The following RLF variants were observed in gnomAD, a reference collection of about 807,000 sequenced individuals.
RLF encodes zinc finger protein Rlf.
Under a neutral mutation model 162.9 loss-of-function variants are expected in RLF, and 7 were observed. The observed-to-expected ratio is 0.04, with a 90% confidence interval of 0.02 to 0.08. The LOEUF (loss-of-function observed/expected upper bound fraction) is 0.08, where lower values mean the gene tolerates loss of function less well. Ranked by LOEUF, RLF falls within the 10% of genes least tolerant of loss-of-function variation. The pLI is 1.00. For synonymous variants in RLF, 782 were observed against 791.5 expected (o/e 0.99, Z 0.20); for missense variants, 1,664 against 2,244.7 (o/e 0.74, Z 5.23).
At position 40,161,756 on chromosome 1, in the gene RLF, C is replaced by A; in HGVS notation, c.237+120C>A. 1.4e-6 allele frequency: 2 copies of A among 1,390,414 alleles called. No homozygotes were observed. The highest frequency in any genetic ancestry group is 1.4e-5 in the South Asian group (1 of 73,220). 86.1% of individuals were successfully genotyped at this position (1,390,414 alleles called of 1,614,324 possible). On this transcript the variant is annotated intron_variant, in intron 1 of 7. Transcript: ENST00000372771. The surrounding 1 kb of genome is among the most constrained non-coding windows in gnomAD (Gnocchi z 4.4). ...GGCGCCACCTCCGTGACTCGCCGCG[C>A]CCCCGGGCCGGGAAGGCCCAGCTCG... is the stretch of plus-strand genomic sequence containing the variant.
At chr1:40,174,239 C>T (rs1162316159) in intron 1 of RLF, among the ~76,000 whole-genome samples, 1 of 152,120 alleles carries the variant, frequency 6.6e-6, no homozygotes, top group Non-Finnish European at 1.5e-5. Flanking sequence ...GGCGCAGTGG[C>T]AGGCGCCTGT....
chr1:40,237,347 C>T lies in RLF; in HGVS notation c.2645C>T (p.Thr882Ile), dbSNP rs1474075673. Residue 882 changes from threonine to isoleucine, a missense_variant, in exon 8 of 8, where the codon ACA (threonine) becomes ATA (isoleucine). By Grantham distance (89) the Thr-to-Ile change is moderately conservative (BLOSUM62 -1). Around this residue, in one of 15 missense-constraint regions of RLF, gnomAD observed 295 missense variants for 317.4 expected, o/e 0.93. Coordinates refer to ENST00000372771, the MANE Select transcript of RLF (RefSeq NM_012421.4). The surrounding 1 kb of genome is among the most constrained non-coding windows in gnomAD (Gnocchi z 4.4). ...GAATCAGCTAATTCTCAAATAGATACAGAAACTGCAGAAAACCTGAAAGAA... is the reference window on the plus strand; with the variant it reads ...GAATCAGCTAATTCTCAAATAGATATAGAAACTGCAGAAAACCTGAAAGAA... ...CAESANSQID[T>I]ETAENLKENS... 1 of 1,613,624 alleles carries T rather than the reference C, an allele frequency of 6.2e-7. No individual in the cohort carries two copies. The highest frequency in any genetic ancestry group is 8.5e-7 in the Non-Finnish European group (1 of 1,179,886).
intron 4 of RLF, 23 bp from the exon 5 acceptor site, chr1:40,202,389 G>GT: frequency 2.0e-6 from 3 of 1,479,576 alleles, no homozygotes; most frequent in Non-Finnish European, 2.7e-6. Flanking sequence ...TTGTCAAACT[G>GT]TTTTATTTTT....
intron 1 of RLF, among the ~76,000 whole-genome samples, chr1:40,179,308 C>T (rs1472230337): frequency 1.3e-5 from 2 of 152,146 alleles, no homozygotes; most frequent in East Asian, 1.9e-4. Context: ...TGTTACACAA[C>T]TACCTCAGAA....
Position 40,239,004 on chromosome 1 carries a change from T to A in RLF, c.4302T>A (p.Ile1434=). 1 of 1,614,172 alleles carries A rather than the reference T, an allele frequency of 6.2e-7. No homozygotes were observed. The highest frequency in any genetic ancestry group is 2.2e-5 in the East Asian group (1 of 44,882). Residue 1434 remains isoleucine (I), a synonymous_variant, in exon 8 of 8, where the codon ATT becomes ATA. Coordinates refer to ENST00000372771, the MANE Select transcript of RLF (RefSeq NM_012421.4). ...LKHHLMEQHN[I]EGEIHSDYEI... ...ACCACTTGATGGAACAGCATAATAT[T>A]GAAGGGGAAATACATTCAGATTATG...
At chr1:40,177,544 C>T (rs754764655) in intron 1 of RLF, among the ~76,000 whole-genome samples, 7 of 151,868 alleles carry the variant, frequency 4.6e-5, no homozygotes, top group Non-Finnish European at 1.0e-4. Flanking sequence ...CTGCCCGCCC[C>T]CACCTCCCAA....
chr1:40,237,429 T>C lies in RLF; in HGVS notation c.2727T>C (p.Asn909=). 1 of 1,614,074 alleles carries C rather than the reference T, an allele frequency of 6.2e-7. No homozygotes were observed. ...GTCATAGCTCTTCAGCTTCAATGAA[T>C]GAAGAGCTAATTGACACACTAGATC... ...QLSHSSSASM[N]EELIDTLDHS... is the part of the protein sequence containing the mutation. The change falls in exon 8 of 8, where the codon AAT becomes AAC. Residue 909 remains asparagine, a synonymous_variant. Coordinates refer to ENST00000372771, the MANE Select transcript of RLF (RefSeq NM_012421.4). This position sits in a 1 kb window ranked among gnomAD's most constrained non-coding sequence, Gnocchi z 4.4.
chr1:40,187,059 G>C (rs992620658), intron 1 of RLF, among the ~76,000 whole-genome samples: 2 of 147,708 alleles, frequency 1.4e-5, no homozygotes, highest in African/African-American at 5.0e-5. Context: ...TTTTGAGACA[G>C]TCTTGCTGTG....
intron 2 of RLF, among the ~76,000 whole-genome samples, chr1:40,189,990 G>A (rs1642534959): frequency 6.6e-6 from 1 of 152,112 alleles, no homozygotes; most frequent in Non-Finnish European, 1.5e-5. Flanking sequence ...AGTCTAGATG[G>A]TTTATTTTAT....
rs71060356 is a variant in RLF, at chr1:40,200,867, T to TACACACACAC, written c.608-1482_608-1473dup. Among the ~76,000 whole-genome samples, 89 of 34,860 alleles carry TACACACACAC rather than the reference T, an allele frequency of 2.6e-3. 1 individual carries two copies. The highest frequency in any genetic ancestry group is 4.2e-3 in the Admixed American group (11 of 2,622). The allele number at this position is 34,860 out of a possible 152,430, so 22.9% of individuals were successfully genotyped here. A position where few individuals can be genotyped will look rare whatever the true frequency, so the allele number is the denominator to read the frequency against. On this transcript the variant is annotated intron_variant, in intron 4 of 7. Coordinates refer to ENST00000372771, the MANE Select transcript of RLF (RefSeq NM_012421.4). ...TCCTTAGTATAAACCATTGCTACTC[T>TACACACACAC]ACACACACACACACACACACACACA... is the stretch of plus-strand genomic sequence containing the variant.
intron 1 of RLF, among the ~76,000 whole-genome samples, chr1:40,181,920 G>A (rs993374978): frequency 6.6e-6 from 1 of 151,914 alleles, no homozygotes; most frequent in African/African-American, 2.4e-5. Context: ...GTTAGATAAG[G>A]GGTGCTCATT....
chr1:40,231,529 T>C lies in RLF; in HGVS notation c.960T>C (p.Leu320=). Residue 320 remains leucine (L), a synonymous_variant, in exon 7 of 8, where the codon CTT becomes CTC. Coordinates refer to ENST00000372771, the MANE Select transcript of RLF (RefSeq NM_012421.4). The part of the protein sequence containing the change: ...ASVYCSWELT[L]FWSKLQRRID... The stretch of plus-strand genomic sequence containing the variant: ...TCTTTTTTTATAGGGAACTGACTCT[T>C]TTTTGGAGTAAACTGCAAAGAAGAA... 6.2e-7 allele frequency: 1 copy of C among 1,613,332 alleles called. No individual in the cohort carries two copies. Among genetic ancestry groups the C allele is most frequent in the Non-Finnish European group, 8.5e-7 (1 of 1,179,714 alleles).
At chr1:40,175,792 A>AG (rs1642316926) in intron 1 of RLF, among the ~76,000 whole-genome samples, 1 of 150,412 alleles carries the variant, frequency 6.6e-6, no homozygotes, top group Non-Finnish European at 1.5e-5. Context: ...CTCAAAAAAA[A>AG]AAAAAAAAAA....
At chr1:40,179,395 T>C (rs1290309750) in intron 1 of RLF, among the ~76,000 whole-genome samples, 1 of 152,184 alleles carries the variant, frequency 6.6e-6, no homozygotes, top group Non-Finnish European at 1.5e-5. Flanking sequence ...AAGTCAGTCC[T>C]TTTAGTAATA....
rs754981897 is a variant in RLF, at chr1:40,189,188, T to C, written c.371T>C (p.Leu124Ser). 3.7e-6 allele frequency: 6 copies of C among 1,613,656 alleles called. No homozygotes were observed. The highest frequency in any genetic ancestry group is 1.6e-4 in the Middle Eastern group (1 of 6,082). Residue 124 changes from leucine (L) to serine (S), a missense_variant, in exon 2 of 8, where the codon TTA (leucine) becomes TCA (serine). By Grantham distance (145) the Leu-to-Ser change is moderately radical (BLOSUM62 -2). Around this residue, in one of 15 missense-constraint regions of RLF, gnomAD observed 287 missense variants for 404.9 expected, o/e 0.71. Transcript: ENST00000372771. ...YLTTECEDVL[L>S]VLGRLVLSCF... is the part of the protein sequence containing the mutation. ...ACTACTGAATGTGAAGATGTCCTCT[T>C]AGTGCTTGGCAGATTAGTACTGTAA...
At chr1:40,175,856 A>G (rs1642318356) in intron 1 of RLF, among the ~76,000 whole-genome samples, 1 of 151,414 alleles carries the variant, frequency 6.6e-6, no homozygotes, top group South Asian at 2.1e-4. Context: ...CATCAAGATT[A>G]TGATTATATC....
intron 4 of RLF, among the ~76,000 whole-genome samples, chr1:40,201,625 C>CAA (rs35897680): frequency 1.8e-3 from 164 of 91,448 alleles, no homozygotes; most frequent in African/African-American, 3.7e-3. Context: ...GACTTCATCT[C>CAA]AAAAAAAAAA....
chr1:40,185,578 C>T lies in RLF; in HGVS notation c.238-3477C>T, dbSNP rs113869295. ...AGTGGCTCCCAGCACTTTGGGAGGCCGAGGCGGGCAGGTCACGAGGTCAGG... is the reference window on the plus strand; with the variant it reads ...AGTGGCTCCCAGCACTTTGGGAGGCTGAGGCGGGCAGGTCACGAGGTCAGG... On this transcript the variant is annotated intron_variant, in intron 1 of 7. Coordinates refer to ENST00000372771, the MANE Select transcript of RLF (RefSeq NM_012421.4). 9.4e-3 allele frequency among the ~76,000 whole-genome samples: 1,088 copies of T among 115,850 alleles called. 23 individuals are homozygous for T. Among genetic ancestry groups the T allele is most frequent in the African/African-American group, 0.033 (1,041 of 31,270 alleles). 76.0% of individuals were successfully genotyped at this position (115,850 alleles called of 152,430 possible).
intron 2 of RLF, among the ~76,000 whole-genome samples, chr1:40,189,568 T>C (rs1304334509): frequency 6.6e-6 from 1 of 152,216 alleles, no homozygotes; most frequent in Non-Finnish European, 1.5e-5. Context: ...AATTTGATTA[T>C]ATTTGAACTA....
Sources: gnomAD v4.1 joint callset for allele counts (sites outside exome capture counted in the v4.1 genomes callset) on GRCh38, gnomAD v4.1.1 for gene constraint, gnomAD v4.1.1 regional missense constraint, Gnocchi (gnomAD v3.1) non-coding constraint, MANE v1.5 for transcripts, NCBI Gene and HGNC (gene_info 2026-07-23, HGNC 2026-07-21) for gene names.